The following EMSY variants were observed in gnomAD, a reference collection of about 807,000 sequenced individuals.
The protein encoded by EMSY is BRCA2-interacting transcriptional repressor EMSY.
A neutral mutation model predicts 134.6 loss-of-function variants in EMSY; 26 were observed. That is an observed-to-expected ratio of 0.19 (90% CI 0.14 to 0.27). The LOEUF is 0.27. Among genes scored for constraint, EMSY ranks in the 10% least tolerant of loss-of-function variants. The pLI is 1.00. For missense variants in EMSY, 1,305 were observed against 1,611.4 expected (o/e 0.81, Z 3.26); for synonymous variants, 579 against 577.8 (o/e 1.00, Z -0.03).
intron 20 of EMSY, among the ~76,000 whole-genome samples, chr11:76,548,225 T>C (rs1163601124): frequency 1.3e-5 from 2 of 152,218 alleles, no homozygotes; most frequent in South Asian, 2.1e-4. Flanking sequence ...TTATTAGTTA[T>C]GTTTAGCTTT....
intron 14 of EMSY, among the ~76,000 whole-genome samples, chr11:76,530,692 C>T (rs1481894604): frequency 6.6e-6 from 1 of 152,100 alleles, no homozygotes; most frequent in Non-Finnish European, 1.5e-5. Flanking sequence ...TTATAATCTG[C>T]CCCTCCCCTT....
exon 7 of EMSY, chr11:76,463,974 G>A: frequency 6.2e-7 from 1 of 1,614,138 alleles, no homozygotes; most frequent in Non-Finnish European, 8.5e-7. Flanking sequence ...CCCAAGATGA[G>A]CAACATCATG....
At chr11:76,523,370 C>T in intron 12 of EMSY, 79 bp downstream of exon 13, 1 of 1,478,150 alleles carries the variant, frequency 6.8e-7, no homozygotes, top group Non-Finnish European at 9.0e-7. Context: ...TGCACAAGGA[C>T]TTGAGAAGCC....
chr11:76,505,169 ATT>A (rs1273706055), intron 9 of EMSY, among the ~76,000 whole-genome samples: 1 of 152,188 alleles, frequency 6.6e-6, no homozygotes, highest in Non-Finnish European at 1.5e-5. Flanking sequence ...AGTCAATTAT[ATT>A]TTGATAAAGC....
At chr11:76,462,547 A>G (rs940293289) in intron 6 of EMSY, among the ~76,000 whole-genome samples, 1 of 152,226 alleles carries the variant, frequency 6.6e-6, no homozygotes, top group Non-Finnish European at 1.5e-5. Flanking sequence ...GAGGTGGATT[A>G]GCTTTGCTTA....
chr11:76,498,258 G>A (rs1200022338), intron 9 of EMSY, among the ~76,000 whole-genome samples: 2 of 152,228 alleles, frequency 1.3e-5, no homozygotes, highest in Middle Eastern at 3.4e-3. Context: ...CAACTTTGGT[G>A]GGTGGTCCAT....
chr11:76,525,532 T>TAAA (rs1950816357), intron 12 of EMSY, among the ~76,000 whole-genome samples: 1 of 152,172 alleles, frequency 6.6e-6, no homozygotes, highest in African/African-American at 2.4e-5. Flanking sequence ...CATCTTAAGT[T>TAAA]TATGGATTTT....
At position 76,519,254 on chromosome 11, in the gene EMSY, A is replaced by G. The variant is rs559222900; in HGVS notation, c.1684+2942A>G. ...TAATTTTTGTATTTTTAGTAGAGAC[A>G]GGGTTTCACCATGTTGGCCAGGATG... On this transcript the variant is annotated intron_variant, in intron 11 of 20. Transcript: ENST00000334736. Among the ~76,000 whole-genome samples the G allele has an allele frequency of 4.1e-4, 63 of 152,082 alleles. No individual in the cohort carries two copies. The East Asian group carries it at 0.011, about 27-fold the overall frequency.
intron 4 of EMSY, among the ~76,000 whole-genome samples, chr11:76,456,263 C>T (rs1197931295): frequency 6.6e-6 from 1 of 152,164 alleles, no homozygotes; most frequent in African/African-American, 2.4e-5. Context: ...CTTAATTTTT[C>T]ACTCAAAGTT....
intron 6 of EMSY, among the ~76,000 whole-genome samples, chr11:76,462,561 G>T (rs1241680654): frequency 6.6e-6 from 1 of 152,196 alleles, no homozygotes; most frequent in Non-Finnish European, 1.5e-5. Flanking sequence ...TTGCTTAGAG[G>T]AATAAGGGAA....
At chr11:76,490,716 T>C (rs1186549834) in intron 8 of EMSY, among the ~76,000 whole-genome samples, 1 of 152,244 alleles carries the variant, frequency 6.6e-6, no homozygotes, top group Non-Finnish European at 1.5e-5. Context: ...ACATGTCTTT[T>C]AGGTGTACCA....
At chr11:76,459,146 G>T (rs6592638) in intron 5 of EMSY, 138,690 of 152,178 alleles carry the variant, frequency 0.91, 63,937 homozygotes, top group South Asian at 0.98. Flanking sequence ...ATCTACTGAC[G>T]CTCAGGTAGA....
intron 8 of EMSY, among the ~76,000 whole-genome samples, chr11:76,480,002 C>CA (rs1948908308): frequency 3.3e-5 from 5 of 152,166 alleles, no homozygotes; most frequent in Admixed American, 3.3e-4. Context: ...TAAGAGGAGA[C>CA]ACGACATTAC....
chr11:76,495,599 G>T (rs1949620801), intron 8 of EMSY, among the ~76,000 whole-genome samples: 1 of 152,062 alleles, frequency 6.6e-6, no homozygotes, highest in African/African-American at 2.4e-5. Context: ...TTTTGCTGTG[G>T]ATATGTTGAG....
At chr11:76,502,512 C>T (rs1015825073) in intron 9 of EMSY, among the ~76,000 whole-genome samples, 13 of 139,414 alleles carry the variant, frequency 9.3e-5, no homozygotes, top group Non-Finnish European at 1.1e-4. Flanking sequence ...TTGCAGATCA[C>T]ATGATCCTTT....
intron 18 of EMSY, among the ~76,000 whole-genome samples, 178 bp from the exon 20 acceptor site, chr11:76,544,081 T>A (rs766078763): frequency 1.3e-5 from 2 of 152,200 alleles, no homozygotes; most frequent in Non-Finnish European, 2.9e-5. Flanking sequence ...TCGAAGCACT[T>A]ACGTCTGAGA....
At chr11:76,503,891 TCTC>T (rs1162872181) in intron 9 of EMSY, among the ~76,000 whole-genome samples, 1 of 152,008 alleles carries the variant, frequency 6.6e-6, no homozygotes, top group East Asian at 1.9e-4. Context: ...TTCAAGCAAT[TCTC>T]CTGCTTCAGC....
chr11:76,503,326 A>G (rs1238816640), intron 9 of EMSY, among the ~76,000 whole-genome samples: 1 of 150,720 alleles, frequency 6.6e-6, no homozygotes, highest in East Asian at 1.9e-4. Flanking sequence ...AAAAAAAAGA[A>G]GAAGAAGGAG....
chr11:76,494,720 TTCCTTCCTTCCTTCCTTTCC>T (rs1949577822), intron 8 of EMSY, among the ~76,000 whole-genome samples: 2 of 81,106 alleles, frequency 2.5e-5, no homozygotes, highest in African/African-American at 9.4e-5. Flanking sequence ...CCTTCCTTCC[TTCCTTCCTTCCTTCCTTTCC>T]TTCCTTCCTT....
Sources: gnomAD v4.1 joint callset for allele counts (sites outside exome capture counted in the v4.1 genomes callset) on GRCh38, gnomAD v4.1.1 for gene constraint, MANE v1.5 for transcripts, NCBI Gene and HGNC (gene_info 2026-07-23, HGNC 2026-07-21) for gene names.